The following ASTN2 variants were observed in gnomAD, a reference collection of about 807,000 sequenced individuals.
ASTN2 encodes astrotactin-2.
ASTN2 carries 54 observed loss-of-function variants against 139.8 expected under a neutral mutation model. The ratio of observed to expected loss-of-function variants is 0.39; its 90% CI spans 0.31 to 0.48. The LOEUF (loss-of-function observed/expected upper bound fraction) is 0.48. ASTN2 is among the 20% of genes least tolerant of loss of function. The pLI is 0.95. For missense variants in ASTN2, 1,565 were observed against 1,725.1 expected, an observed-to-expected ratio of 0.91 and a Z score of 1.64; for synonymous variants, 756 against 719.5, an observed-to-expected ratio of 1.05 and a Z score of -0.81.
At chr9:116,775,769 A>AGGGGGAAGGAG (rs2132194156) in intron 13 of ASTN2, among the ~76,000 whole-genome samples, 1 of 83,106 alleles carries the variant, frequency 1.2e-5, no homozygotes, top group East Asian at 4.5e-4. Context: ...GGAGGAGGAA[A>AGGGGGAAGGAG]GGGGGAAGGA....
intron 13 of ASTN2, among the ~76,000 whole-genome samples, chr9:116,760,310 A>G (rs926103270): frequency 2.0e-5 from 3 of 152,200 alleles, no homozygotes; most frequent in East Asian, 1.9e-4. Context: ...ACAGAGAAGT[A>G]TGGGGCAGCA....
intron 1 of ASTN2, among the ~76,000 whole-genome samples, chr9:117,357,941 C>T (rs780632330): frequency 5.3e-4 from 81 of 152,062 alleles, no homozygotes; most frequent in Non-Finnish European, 9.1e-4. Flanking sequence ...ATTTTTGTGA[C>T]GTGGGCAAGT....
intron 13 of ASTN2, among the ~76,000 whole-genome samples, chr9:116,786,935 T>C (rs1317059885): frequency 6.6e-6 from 1 of 152,166 alleles, no homozygotes; most frequent in Non-Finnish European, 1.5e-5. Flanking sequence ...TAAAGAGAGC[T>C]GGTGGTTTTA....
At chr9:116,548,119 C>T (rs867792517) in intron 19 of ASTN2, among the ~76,000 whole-genome samples, 4 of 148,952 alleles carry the variant, frequency 2.7e-5, no homozygotes, top group East Asian at 2.0e-4. Flanking sequence ...TTTTCTAAGC[C>T]GGAGCCAGGA....
intron 19 of ASTN2, among the ~76,000 whole-genome samples, chr9:116,567,310 C>A (rs184862221): frequency 1.6e-4 from 24 of 152,340 alleles, no homozygotes; most frequent in Non-Finnish European, 2.8e-4. Flanking sequence ...GGCTGTAGTG[C>A]ACCTCTGTGA....
chr9:116,702,256 G>C (rs991736396), intron 16 of ASTN2, among the ~76,000 whole-genome samples: 1 of 151,840 alleles, frequency 6.6e-6, no homozygotes, highest in South Asian at 2.1e-4. Flanking sequence ...TTCATTCCTG[G>C]AATATTCCAT....
chr9:116,486,194 G>C (rs1302849050), intron 20 of ASTN2, among the ~76,000 whole-genome samples: 1 of 152,184 alleles, frequency 6.6e-6, no homozygotes, highest in Non-Finnish European at 1.5e-5. Flanking sequence ...CAATTATTAG[G>C]TTATGTTATC....
intron 19 of ASTN2, among the ~76,000 whole-genome samples, chr9:116,516,220 G>C (rs1850642491): frequency 6.6e-6 from 1 of 152,108 alleles, no homozygotes; most frequent in African/African-American, 2.4e-5. Context: ...GAGACTTAAG[G>C]CTCCAAATAT....
intron 3 of ASTN2, among the ~76,000 whole-genome samples, chr9:117,152,231 C>T (rs1417316930): frequency 6.6e-6 from 1 of 152,094 alleles, no homozygotes; most frequent in African/African-American, 2.4e-5. Flanking sequence ...TATTGTTATC[C>T]GGCTTAACCT....
intron 2 of ASTN2, among the ~76,000 whole-genome samples, chr9:117,274,125 T>C (rs1019237146): frequency 1.3e-5 from 2 of 152,006 alleles, no homozygotes; most frequent in Non-Finnish European, 2.9e-5. Flanking sequence ...CCAAGGCAGA[T>C]GGATCATGAA....
chr9:116,574,868 C>A (rs1199521927), intron 19 of ASTN2, among the ~76,000 whole-genome samples: 1 of 152,174 alleles, frequency 6.6e-6, no homozygotes, highest in Non-Finnish European at 1.5e-5. Context: ...AACCCTCCAA[C>A]TGGTACGGGC....
intron 12 of ASTN2, among the ~76,000 whole-genome samples, chr9:116,816,680 G>T (rs1437946844): frequency 6.6e-6 from 1 of 152,096 alleles, no homozygotes; most frequent in Non-Finnish European, 1.5e-5. Flanking sequence ...AGACAGGAAT[G>T]CAGGTAAATC....
intron 2 of ASTN2, among the ~76,000 whole-genome samples, chr9:117,290,996 A>G (rs1002387426): frequency 1.3e-5 from 2 of 152,172 alleles, no homozygotes; most frequent in Non-Finnish European, 2.9e-5. Context: ...ATTCTGAATC[A>G]CCAAACCTCA....
chr9:117,009,422 G>A (rs749775261), intron 6 of ASTN2, among the ~76,000 whole-genome samples: 1 of 151,960 alleles, frequency 6.6e-6, no homozygotes, highest in East Asian at 1.9e-4. Flanking sequence ...TTTTTGGGAG[G>A]CAAGAAACAG....
At chr9:117,293,892 G>A (rs1834659561) in intron 1 of ASTN2, among the ~76,000 whole-genome samples, 1 of 152,260 alleles carries the variant, frequency 6.6e-6, no homozygotes, top group African/African-American at 2.4e-5. Context: ...TGCTGGCTAG[G>A]CAGGCACTCC....
chr9:116,752,462 C>A lies in ASTN2; in HGVS notation c.2397-18939G>T, dbSNP rs80282587. Reference sequence around the variant, plus strand: ...TAATATAGGAGAAAAATTTTAGTAACCTTGGATTTGATTATGTGTTTTTAG... The same window carrying A: ...TAATATAGGAGAAAAATTTTAGTAAACTTGGATTTGATTATGTGTTTTTAG... On this transcript the variant is annotated intron_variant, in intron 13 of 22. Transcript: ENST00000313400. Among the ~76,000 whole-genome samples, 40 of 152,166 alleles carry A rather than the reference C, an allele frequency of 2.6e-4. No homozygotes were observed. In the East Asian group the frequency reaches 7.5e-3, roughly 29 times the overall value.
At chr9:116,752,893 CAGAA>C (rs1290036611) in intron 13 of ASTN2, among the ~76,000 whole-genome samples, 10 of 152,180 alleles carry the variant, frequency 6.6e-5, no homozygotes, top group African/African-American at 2.4e-4. Flanking sequence ...TGTGGAGAAA[CAGAA>C]AGAGTTAATT....
intron 4 of ASTN2, among the ~76,000 whole-genome samples, chr9:117,138,492 GGAGCCA>G (rs1368593029): frequency 1.3e-5 from 2 of 152,198 alleles, no homozygotes; most frequent in Non-Finnish European, 2.9e-5. Context: ...AAAGAGGGCA[GGAGCCA>G]GAGCCAGATC....
intron 20 of ASTN2, among the ~76,000 whole-genome samples, chr9:116,460,325 T>C (rs936545810): frequency 6.6e-6 from 1 of 152,124 alleles, no homozygotes; most frequent in African/African-American, 2.4e-5. Flanking sequence ...GAATTACTTG[T>C]GATGGTTGTG....
Sources: allele counts gnomAD v4.1 joint callset (sites outside exome capture counted in the v4.1 genomes callset), GRCh38; gene constraint gnomAD v4.1.1; transcripts MANE v1.5; gene names NCBI Gene and HGNC (gene_info 2026-07-23, HGNC 2026-07-21).